The following CDH18 variants were observed in gnomAD, a reference collection of about 807,000 sequenced individuals.
CDH18 encodes cadherin 18.
CDH18 carries 31 observed loss-of-function variants against 67.9 expected under a neutral mutation model. The observed-to-expected ratio is 0.46, with a 90% CI of 0.34 to 0.62. The LOEUF is 0.62. Ranked by LOEUF, CDH18 falls within the 20% of genes least tolerant of loss-of-function variation. The pLI, the probability that CDH18 is intolerant of heterozygous loss-of-function variation, is 0.01. For missense variants in CDH18, 890 were observed against 975.5 expected, an observed-to-expected ratio of 0.91 and a Z score of 1.17; for synonymous variants, 362 against 347.2, an observed-to-expected ratio of 1.04 and a Z score of -0.48.
intron 1 of CDH18, among the ~76,000 whole-genome samples, chr5:20,467,964 T>G (rs1404786065): frequency 6.6e-6 from 1 of 151,162 alleles, no homozygotes; most frequent in African/African-American, 2.4e-5. Context: ...GTTATTATTA[T>G]TCTATTTACT....
chr5:20,052,293 T>A (rs1445148532), intron 2 of CDH18, among the ~76,000 whole-genome samples: 2 of 152,074 alleles, frequency 1.3e-5, no homozygotes, highest in East Asian at 3.9e-4. Context: ...GAATTGTCCA[T>A]CAGGAGCTAA....
intron 10 of CDH18, among the ~76,000 whole-genome samples, chr5:19,511,329 T>C (rs551852535): frequency 1.8e-4 from 28 of 152,206 alleles, no homozygotes; most frequent in African/African-American, 6.7e-4. Context: ...AACAGACTAA[T>C]ACAGTAAATT....
chr5:20,057,114 T>C (rs1271075971), intron 2 of CDH18, among the ~76,000 whole-genome samples: 2 of 152,196 alleles, frequency 1.3e-5, no homozygotes, highest in Non-Finnish European at 2.9e-5. Flanking sequence ...GCACAATTTG[T>C]CTTGTTAATA....
chr5:19,956,741 G>T (rs974772196), intron 2 of CDH18, among the ~76,000 whole-genome samples: 1 of 151,610 alleles, frequency 6.6e-6, no homozygotes, highest in South Asian at 2.1e-4. Flanking sequence ...AAGTATTATA[G>T]AATATTTGTG....
At chr5:20,153,769 CTCT>C (rs1257435899) in intron 2 of CDH18, among the ~76,000 whole-genome samples, 2 of 152,038 alleles carry the variant, frequency 1.3e-5, no homozygotes, top group Middle Eastern at 3.2e-3. Context: ...CTATATTTTC[CTCT>C]TCTTATAGGG....
At chr5:20,522,266 G>A (rs1485065679) in intron 1 of CDH18, among the ~76,000 whole-genome samples, 1 of 152,138 alleles carries the variant, frequency 6.6e-6, no homozygotes, top group East Asian at 1.9e-4. Flanking sequence ...TGTCATTTAA[G>A]CCACCTAGTT....
At chr5:20,248,906 A>G (rs970356816) in intron 2 of CDH18, among the ~76,000 whole-genome samples, 4 of 152,208 alleles carry the variant, frequency 2.6e-5, no homozygotes, top group Non-Finnish European at 5.9e-5. Flanking sequence ...CACTTACTGG[A>G]TGCACTAAAT....
chr5:19,926,073 A>G (rs1793047699), intron 2 of CDH18, among the ~76,000 whole-genome samples: 1 of 152,144 alleles, frequency 6.6e-6, no homozygotes, highest in African/African-American at 2.4e-5. Flanking sequence ...CTTCTAAGCT[A>G]CGTGGTTCAC....
chr5:19,551,665 C>G (rs1463888554), intron 8 of CDH18, among the ~76,000 whole-genome samples: 2 of 152,128 alleles, frequency 1.3e-5, no homozygotes, highest in African/African-American at 4.8e-5. Flanking sequence ...TTCTCCCTTT[C>G]TTTCTTGGGA....
chr5:19,997,748 A>T (rs1736127736), intron 2 of CDH18, among the ~76,000 whole-genome samples: 1 of 152,134 alleles, frequency 6.6e-6, no homozygotes, highest in Admixed American at 6.5e-5. Flanking sequence ...ATACCTCAAG[A>T]AGCTTATAAT....
chr5:19,670,877 T>C (rs1280204210), intron 5 of CDH18, among the ~76,000 whole-genome samples: 1 of 152,056 alleles, frequency 6.6e-6, no homozygotes, highest in Non-Finnish European at 1.5e-5. Flanking sequence ...AGACTAAATA[T>C]AAGGAAGTGA....
intron 8 of CDH18, among the ~76,000 whole-genome samples, chr5:19,566,616 C>T (rs564847455): frequency 7.2e-5 from 11 of 152,166 alleles, no homozygotes; most frequent in Admixed American, 4.6e-4. Flanking sequence ...TTCACTACCA[C>T]GAGAACACTA....
chr5:20,468,715 T>C (rs755984829), intron 1 of CDH18, among the ~76,000 whole-genome samples: 6 of 152,204 alleles, frequency 3.9e-5, no homozygotes, highest in East Asian at 1.9e-4. Context: ...ACTGACTAAA[T>C]ATGTCAAAGT....
At chr5:20,062,969 C>T (rs374959046) in intron 2 of CDH18, among the ~76,000 whole-genome samples, 202 of 144,460 alleles carry the variant, frequency 1.4e-3, no homozygotes, top group African/African-American at 4.8e-3. Flanking sequence ...TGCATTTAGT[C>T]CAATATGCTT....
At chr5:19,921,950 CT>C (rs1165646500) in intron 2 of CDH18, among the ~76,000 whole-genome samples, 1 of 151,682 alleles carries the variant, frequency 6.6e-6, no homozygotes, top group African/African-American at 2.4e-5. Flanking sequence ...AATCGAAAAC[CT>C]TTGAAAACCT....
intron 3 of CDH18, among the ~76,000 whole-genome samples, chr5:19,778,652 A>G (rs1277435017): frequency 6.6e-6 from 1 of 152,174 alleles, no homozygotes; most frequent in Non-Finnish European, 1.5e-5. Flanking sequence ...AACTGTCACC[A>G]TGTGATATGG....
At chr5:20,022,370 A>C (rs906599970) in intron 2 of CDH18, among the ~76,000 whole-genome samples, 16 of 152,306 alleles carry the variant, frequency 1.1e-4, no homozygotes, top group Non-Finnish European at 2.2e-4. Flanking sequence ...AAATCTAATA[A>C]AGCTGGTTTT....
At chr5:19,708,970 T>G (rs1327814747) in intron 5 of CDH18, among the ~76,000 whole-genome samples, 5 of 151,398 alleles carry the variant, frequency 3.3e-5, no homozygotes, top group African/African-American at 1.2e-4. Flanking sequence ...ATGGTGCCAC[T>G]GCACTCCAGC....
chr5:19,536,467 C>T lies in CDH18; in HGVS notation c.1390+7402G>A, dbSNP rs1395101682. 8.5e-5 allele frequency among the ~76,000 whole-genome samples: 13 copies of T among 152,248 alleles called. No homozygotes were observed. The East Asian group carries it at 2.5e-3, about 29-fold the overall frequency. ...AATACACATTTTTCAGAGGATTAAG[C>T]TGAAAACAGAGAGGGCTGAGTCTTG... On this transcript the variant is annotated intron_variant, in intron 9 of 12. Coordinates refer to ENST00000382275, the MANE Select transcript of CDH18 (RefSeq NM_004934.5).
Sources: gnomAD v4.1 joint callset for allele counts (sites outside exome capture counted in the v4.1 genomes callset) on GRCh38, gnomAD v4.1.1 for gene constraint, MANE v1.5 for transcripts, NCBI Gene and HGNC (gene_info 2026-07-23, HGNC 2026-07-21) for gene names.